Variants in PRKCE observed in about 807,000 individuals in gnomAD.
PRKCE encodes the protein protein kinase C epsilon.
PRKCE carries 16 observed loss-of-function variants against 85.4 expected under a neutral mutation model. That is an observed-to-expected ratio of 0.19 (90% confidence interval 0.13 to 0.28). The LOEUF is 0.28. Among genes scored for constraint, PRKCE ranks in the 10% least tolerant of loss-of-function variants. PRKCE has a pLI of 1.00. For missense variants in PRKCE, 573 were observed against 975.2 expected, an observed-to-expected ratio of 0.59 and a Z score of 5.49; for synonymous variants, 388 against 371.5, an observed-to-expected ratio of 1.04 and a Z score of -0.51.
chr2:46,144,986 G>A, intron 11 of PRKCE, 107 bp from the exon 12 acceptor site: 1 of 1,508,526 alleles, frequency 6.6e-7, no homozygotes, highest in South Asian at 1.2e-5. Context: ...CTTCTTTCAG[G>A]ACTTTTTTGC....
intron 2 of PRKCE, among the ~76,000 whole-genome samples, chr2:45,947,428 T>C (rs1285031196): frequency 6.6e-6 from 1 of 152,212 alleles, no homozygotes; most frequent in Non-Finnish European, 1.5e-5. Flanking sequence ...TGACAGAATA[T>C]ATACAAAACC....
intron 2 of PRKCE, among the ~76,000 whole-genome samples, chr2:45,972,534 GCCAAGA>G (rs1270879022): frequency 2.6e-5 from 4 of 151,944 alleles, no homozygotes; most frequent in Non-Finnish European, 5.9e-5. Flanking sequence ...AGAAATCATT[GCCAAGA>G]CCAATGTCAA....
intron 2 of PRKCE, among the ~76,000 whole-genome samples, chr2:45,913,298 C>T (rs556574689): frequency 6.6e-6 from 1 of 152,338 alleles, no homozygotes; most frequent in Non-Finnish European, 1.5e-5. Flanking sequence ...CAGGCGAGCA[C>T]CATCATGCCA....
chr2:45,680,307 G>C (rs1383164450), intron 1 of PRKCE, among the ~76,000 whole-genome samples: 1 of 152,242 alleles, frequency 6.6e-6, no homozygotes, highest in Admixed American at 6.5e-5. Context: ...ATGTTAGTTT[G>C]TTAGTGCTGA....
At chr2:45,884,533 G>A (rs369098743) in intron 2 of PRKCE, among the ~76,000 whole-genome samples, 7 of 152,178 alleles carry the variant, frequency 4.6e-5, no homozygotes, top group South Asian at 2.1e-4. Context: ...GTGGCAGCAA[G>A]TGTCTTGTCT....
chr2:46,160,781 C>G (rs1677678731), intron 14 of PRKCE, among the ~76,000 whole-genome samples: 2 of 152,188 alleles, frequency 1.3e-5, no homozygotes, highest in African/African-American at 2.4e-5. Flanking sequence ...GAGAGGAATT[C>G]CGTTCTATTC....
intron 10 of PRKCE, among the ~76,000 whole-genome samples, chr2:46,047,751 A>T (rs1443597208): frequency 1.3e-5 from 2 of 152,224 alleles, no homozygotes; most frequent in East Asian, 3.8e-4. Context: ...AATGCTACAT[A>T]ACTCAAAAGT....
At chr2:45,914,847 G>T (rs1324906157) in intron 2 of PRKCE, among the ~76,000 whole-genome samples, 1 of 152,148 alleles carries the variant, frequency 6.6e-6, no homozygotes, top group Non-Finnish European at 1.5e-5. Context: ...ACGTAATAGG[G>T]AACTCTTTCT....
intron 1 of PRKCE, among the ~76,000 whole-genome samples, chr2:45,788,385 A>G (rs949089820): frequency 5.3e-5 from 8 of 152,206 alleles, no homozygotes; most frequent in African/African-American, 1.9e-4. Context: ...GTTGATGTTC[A>G]CAGAGCCATT....
intron 1 of PRKCE, among the ~76,000 whole-genome samples, chr2:45,832,439 A>C (rs1690508165): frequency 6.6e-6 from 1 of 150,948 alleles, no homozygotes; most frequent in Non-Finnish European, 1.5e-5. Flanking sequence ...CAGCCTCCCT[A>C]GTAGCTGGGA....
intron 1 of PRKCE, among the ~76,000 whole-genome samples, chr2:45,788,870 T>C (rs886346487): frequency 3.3e-5 from 5 of 152,210 alleles, no homozygotes; most frequent in Non-Finnish European, 5.9e-5. Flanking sequence ...GATAGGTCAA[T>C]CAGAGAAGGG....
chr2:45,743,291 G>C (rs1259978961), intron 1 of PRKCE, among the ~76,000 whole-genome samples: 2 of 152,166 alleles, frequency 1.3e-5, no homozygotes, highest in African/African-American at 4.8e-5. Context: ...AGTAGGTGAG[G>C]TGAATATGAT....
intron 14 of PRKCE, among the ~76,000 whole-genome samples, chr2:46,172,164 C>G (rs1678973319): frequency 1.3e-5 from 2 of 152,220 alleles, no homozygotes; most frequent in African/African-American, 4.8e-5. Flanking sequence ...GCGTTCATTC[C>G]ATTAGCTGGG....
chr2:45,859,130 T>G (rs1276581448), intron 2 of PRKCE, among the ~76,000 whole-genome samples: 1 of 152,006 alleles, frequency 6.6e-6, no homozygotes, highest in African/African-American at 2.4e-5. Flanking sequence ...ATTCTACTTT[T>G]GAGATTCATC....
intron 1 of PRKCE, among the ~76,000 whole-genome samples, chr2:45,716,156 T>G (rs1028265860): frequency 3.3e-5 from 5 of 152,232 alleles, no homozygotes; most frequent in Admixed American, 6.5e-5. Context: ...GGGATGGTTG[T>G]TTCTCCAGCT....
rs1355120345 is a variant in PRKCE at position 45,744,463 on chromosome 2, T to TTC, written c.348+92017_348+92018dup. Among the ~76,000 whole-genome samples the TTC allele has an allele frequency of 9.0e-3, 570 of 63,280 alleles. 6 individuals are homozygous for TTC. Among genetic ancestry groups the TTC allele is most frequent in the Non-Finnish European group, 0.012 (381 of 31,668 alleles). The allele number at this position is 63,280 out of a possible 152,430, so 41.5% of individuals were successfully genotyped here. A position where few individuals can be genotyped will look rare whatever the true frequency, so the allele number is the denominator to read the frequency against. On this transcript the variant is annotated intron_variant, in intron 1 of 14. Transcript: ENST00000306156. The stretch of plus-strand genomic sequence containing the variant: ...TTTCTTTCTTTCTTTCTTTCTTTCT[T>TTC]TCTTTCTTTCTTTCTTTCTTTCTTT...
At chr2:45,749,861 T>G (rs895085000) in intron 1 of PRKCE, among the ~76,000 whole-genome samples, 1 of 152,222 alleles carries the variant, frequency 6.6e-6, no homozygotes, top group African/African-American at 2.4e-5. Context: ...GTTGATAAAC[T>G]AAAGTATAAA....
At chr2:46,144,464 T>C (rs1418863290) in intron 11 of PRKCE, among the ~76,000 whole-genome samples, 1 of 152,162 alleles carries the variant, frequency 6.6e-6, no homozygotes, top group Non-Finnish European at 1.5e-5. Context: ...TCACTACCTT[T>C]TGCATCAGCT....
At chr2:45,800,978 T>G (rs1159031223) in intron 1 of PRKCE, among the ~76,000 whole-genome samples, 2 of 152,098 alleles carry the variant, frequency 1.3e-5, no homozygotes, top group African/African-American at 4.8e-5. Flanking sequence ...AGCAGTTGCC[T>G]GGGAAAGATT....
Sources: gnomAD v4.1 joint callset for allele counts (sites outside exome capture counted in the v4.1 genomes callset) on GRCh38, gnomAD v4.1.1 for gene constraint, MANE v1.5 for transcripts, NCBI Gene and HGNC (gene_info 2026-07-23, HGNC 2026-07-21) for gene names.